DLGAP1: variants seen among roughly 807,000 people sequenced by gnomAD.
DLGAP1 encodes DLG associated protein 1, also known as disks large-associated protein 1.
A neutral mutation model predicts 90.8 loss-of-function variants in DLGAP1; 11 were observed. The observed-to-expected ratio is 0.12, with a 90% CI of 0.08 to 0.20. DLGAP1 has a LOEUF of 0.20. Among genes scored for constraint, DLGAP1 ranks in the 10% least tolerant of loss-of-function variants. The pLI is 1.00. For missense variants in DLGAP1, 1,050 were observed against 1,333.8 expected, an observed-to-expected ratio of 0.79 and a Z score of 3.31; for synonymous variants, 558 against 540.7, an observed-to-expected ratio of 1.03 and a Z score of -0.44.
intron 2 of DLGAP1, among the ~76,000 whole-genome samples, chr18:4,136,849 G>A (rs181568980): frequency 2.2e-3 from 334 of 152,110 alleles, no homozygotes; most frequent in South Asian, 3.1e-3. Context: ...CAAGCTTTTC[G>A]CAGTAGCTTT....
chr18:4,045,787 C>CT (rs35705949), intron 2 of DLGAP1, among the ~76,000 whole-genome samples: 24,236 of 132,094 alleles, frequency 0.18, 3,338 homozygotes, highest in African/African-American at 0.39. Flanking sequence ...ATCTTTAAAA[C>CT]TTTTTTTTTT....
intron 10 of DLGAP1, among the ~76,000 whole-genome samples, chr18:3,525,815 T>C (rs983318204): frequency 6.6e-6 from 1 of 152,226 alleles, no homozygotes; most frequent in African/African-American, 2.4e-5. Flanking sequence ...ACCACTGGCC[T>C]AGGAACAGAT....
At chr18:3,597,045 C>T (rs2056619445) in intron 7 of DLGAP1, 1 of 519,944 alleles carries the variant, frequency 1.9e-6, no homozygotes, top group African/African-American at 1.9e-5. Context: ...CTGCCCTTTT[C>T]CTGTGCAGCT....
At chr18:4,381,867 A>G (rs746698196) in intron 1 of DLGAP1, among the ~76,000 whole-genome samples, 21 of 152,208 alleles carry the variant, frequency 1.4e-4, no homozygotes, top group Middle Eastern at 3.4e-3. Context: ...GAGGTTTAGG[A>G]CTCACAGTTC....
intron 2 of DLGAP1, among the ~76,000 whole-genome samples, chr18:4,106,940 A>G (rs2075879225): frequency 6.6e-6 from 1 of 152,180 alleles, no homozygotes; most frequent in African/African-American, 2.4e-5. Flanking sequence ...CTCAGAAAGG[A>G]AAAGATTTGT....
chr18:4,024,897 G>C (rs2074674113), intron 2 of DLGAP1, among the ~76,000 whole-genome samples: 1 of 152,080 alleles, frequency 6.6e-6, no homozygotes, highest in African/African-American at 2.4e-5. Flanking sequence ...AGTAATCCAG[G>C]AGTGAAACAG....
At chr18:4,001,185 G>A (rs963654618) in intron 3 of DLGAP1, among the ~76,000 whole-genome samples, 4 of 151,844 alleles carry the variant, frequency 2.6e-5, no homozygotes, top group African/African-American at 9.7e-5. Context: ...TTCTTCTAGT[G>A]TAGTCTAAAA....
At chr18:4,149,244 T>C (rs543904552) in intron 2 of DLGAP1, among the ~76,000 whole-genome samples, 1 of 152,326 alleles carries the variant, frequency 6.6e-6, no homozygotes, top group East Asian at 1.9e-4. Flanking sequence ...CTCAGATGCA[T>C]TTCTCACTTA....
chr18:4,119,824 G>T (rs1417940751), intron 2 of DLGAP1, among the ~76,000 whole-genome samples: 5 of 152,156 alleles, frequency 3.3e-5, no homozygotes, highest in Admixed American at 3.3e-4. Flanking sequence ...GATGAAACTT[G>T]TGCTTTTGAT....
chr18:4,261,932 T>C (rs1392197065), intron 1 of DLGAP1, among the ~76,000 whole-genome samples: 2 of 152,318 alleles, frequency 1.3e-5, no homozygotes, highest in East Asian at 3.9e-4. Flanking sequence ...CATATTTGTC[T>C]AAAGATGGAA....
In DLGAP1 at chr18:3,738,466, C is replaced by T. The variant is rs1363800737; in HGVS notation, c.1350+3869G>A. 9.8e-3 allele frequency among the ~76,000 whole-genome samples: 1,430 copies of T among 146,122 alleles called. 9 individuals carry two copies. The highest frequency in any genetic ancestry group is 0.035 in the African/African-American group (1,333 of 38,032). On this transcript the variant is annotated intron_variant, in intron 6 of 12. Coordinates refer to ENST00000315677, the MANE Select transcript of DLGAP1 (RefSeq NM_004746.4). ...AACAGAACAGAGCCCTCAGAAATAACGCCACATATCTACAACTATCTGATC... is the reference window on the plus strand; with the variant it reads ...AACAGAACAGAGCCCTCAGAAATAATGCCACATATCTACAACTATCTGATC...
intron 3 of DLGAP1, among the ~76,000 whole-genome samples, chr18:3,965,808 C>T (rs986734111): frequency 1.5e-4 from 23 of 151,756 alleles, no homozygotes; most frequent in African/African-American, 5.1e-4. Flanking sequence ...ATTATCCAGG[C>T]GTGATGGCAT....
intron 10 of DLGAP1, among the ~76,000 whole-genome samples, chr18:3,523,681 A>G (rs2051390246): frequency 6.6e-6 from 1 of 152,152 alleles, no homozygotes; most frequent in South Asian, 2.1e-4. Flanking sequence ...CCCCGTCTCT[A>G]CTAAAAATAC....
At chr18:3,923,694 T>C (rs1218563620) in intron 3 of DLGAP1, among the ~76,000 whole-genome samples, 8 of 152,372 alleles carry the variant, frequency 5.3e-5, no homozygotes, top group Admixed American at 1.3e-4. Context: ...TCTTTGGTGA[T>C]ACCAATTTCT....
chr18:4,361,701 G>A (rs957517678), intron 1 of DLGAP1, among the ~76,000 whole-genome samples: 4 of 151,908 alleles, frequency 2.6e-5, no homozygotes, highest in African/African-American at 9.7e-5. Context: ...CTATTTTTTT[G>A]ATTAACACAA....
At chr18:3,996,562 A>C (rs2074075191) in intron 3 of DLGAP1, among the ~76,000 whole-genome samples, 1 of 152,096 alleles carries the variant, frequency 6.6e-6, no homozygotes, top group South Asian at 2.1e-4. Context: ...GTTTAGTACA[A>C]AGCCAAAAGA....
intron 1 of DLGAP1, among the ~76,000 whole-genome samples, chr18:4,164,382 C>T (rs913068172): frequency 6.6e-5 from 10 of 152,112 alleles, no homozygotes; most frequent in East Asian, 1.9e-4. Context: ...ACTGTTTAAA[C>T]GATCAGACAC....
intron 1 of DLGAP1, among the ~76,000 whole-genome samples, chr18:4,334,301 T>A (rs1301970392): frequency 6.6e-6 from 1 of 151,760 alleles, no homozygotes; most frequent in Non-Finnish European, 1.5e-5. Flanking sequence ...GTTAGTCTAG[T>A]CTCTATGACA....
chr18:3,602,323 C>T (rs1323746355), intron 7 of DLGAP1, among the ~76,000 whole-genome samples: 1 of 151,938 alleles, frequency 6.6e-6, no homozygotes, highest in Non-Finnish European at 1.5e-5. Flanking sequence ...TGGCCGGGCG[C>T]GGTGGCTCAC....
Sources: allele counts gnomAD v4.1 joint callset (sites outside exome capture counted in the v4.1 genomes callset), GRCh38; gene constraint gnomAD v4.1.1; transcripts MANE v1.5; gene names NCBI Gene and HGNC (gene_info 2026-07-23, HGNC 2026-07-21).